FAM90A1: variants seen among roughly 807,000 people sequenced by gnomAD.
FAM90A1 encodes the protein protein FAM90A1.
In FAM90A1, 10 loss-of-function variants were observed where a neutral mutation model predicts 14.8. The observed-to-expected ratio is 0.67, with a 90% CI of 0.42 to 1.14. The LOEUF is 1.14. Ranked by LOEUF, FAM90A1 falls within the 50% of genes most tolerant of loss-of-function variation. The pLI, the probability that FAM90A1 is intolerant of heterozygous loss-of-function variation, is 0.00. For synonymous variants in FAM90A1, 236 were observed against 248.4 expected, an observed-to-expected ratio of 0.95 and a Z score of 0.47; for missense variants, 567 against 602.8, an observed-to-expected ratio of 0.94 and a Z score of 0.62.
chr12:8,222,776 G>C lies in FAM90A1; in HGVS notation c.441C>G (p.Ser147Arg), dbSNP rs1248442805. 6.3e-7 allele frequency: 1 copy of C among 1,596,698 alleles called. No individual in the cohort carries two copies. Among genetic ancestry groups the C allele is most frequent in the South Asian group, 1.1e-5 (1 of 90,694 alleles). ...TESSDYLRVA[S>R]GPMPVHTTSK... ...TGGTTGTGTGGACCGGCATTGGCCC[G>C]CTTGCAACCTGAAAGAGAGGAAACA... is the stretch of plus-strand genomic sequence containing the variant. Residue 147 changes from serine (S) to arginine (R), a missense_variant, in exon 7 of 7, where the codon AGC becomes AGG. Physicochemically the swap from Ser to Arg is moderately radical, Grantham distance 110. Transcript: ENST00000538603.
intron 6 of FAM90A1, 31 bp downstream of exon 6, chr12:8,223,418 A>G (rs1948875251): frequency 1.4e-6 from 2 of 1,417,666 alleles, no homozygotes; most frequent in African/African-American, 2.8e-5. Flanking sequence ...CCTAGAGGAG[A>G]AAAAGACCAG....
intron 3 of FAM90A1, among the ~76,000 whole-genome samples, chr12:8,225,390 T>C (rs1180063559): frequency 1.9e-4 from 29 of 152,108 alleles, no homozygotes; most frequent in East Asian, 3.9e-4. Context: ...AGAGAAGTTA[T>C]CTTCCTCTCT....
Position 8,222,161 on chromosome 12 carries a change from T to A in FAM90A1, c.1056A>T (p.Thr352=). The A allele has an allele frequency of 6.2e-7, 1 of 1,604,312 alleles. No homozygotes were observed. Among genetic ancestry groups the A allele is most frequent in the Non-Finnish European group, 8.5e-7 (1 of 1,175,186 alleles). Residue 352 remains threonine, a synonymous_variant, in exon 7 of 7, where the codon ACA becomes ACT. Transcript: ENST00000538603. ...PRTSPQTGTR[T]PAQVLSGDRQ... ...GGTCGCCGCTAAGCACCTGGGCGGG[T>A]GTCCTCGTGCCTGTCTGGGGTGACG...
At chr12:8,225,188 C>G (rs1335011455) in intron 3 of FAM90A1, among the ~76,000 whole-genome samples, 1 of 152,244 alleles carries the variant, frequency 6.6e-6, no homozygotes, top group Non-Finnish European at 1.5e-5. Context: ...TTAGGTCTAT[C>G]ACGATTCACT....
chr12:8,221,620 T>A lies in FAM90A1; in HGVS notation c.*202A>T. 6.2e-6 allele frequency: 4 copies of A among 647,562 alleles called. No individual in the cohort carries two copies. The highest frequency in any genetic ancestry group is 5.3e-6 in the Non-Finnish European group (2 of 379,514). 40.1% of individuals were successfully genotyped at this position (647,562 alleles called of 1,614,324 possible). On this transcript the variant is annotated 3_prime_UTR_variant, in exon 7 of 7. Coordinates refer to ENST00000538603, the MANE Select transcript of FAM90A1 (RefSeq NM_018088.3). ...TTCCAGAGAACCATGCGAACTACAA[T>A]GTCCCTCACCAGAATTCAACGTGGC... is the stretch of plus-strand genomic sequence containing the variant.
chr12:8,222,190 G>T lies in FAM90A1; in HGVS notation c.1027C>A (p.Arg343Ser), dbSNP rs9668475. The T allele has an allele frequency of 4.4e-3, 7,093 of 1,599,702 alleles. 264 individuals carry two copies. The African/African-American group carries it at 0.081, about 18-fold the overall frequency. Residue 343 changes from arginine to serine, a missense_variant, in exon 7 of 7, where the codon CGT becomes AGT. Transcript: ENST00000538603. ...PPPAATELGPRTSPQTGTRTP... is the reference protein window; with the variant it reads ...PPPAATELGPSTSPQTGTRTP... ...CTCGTGCCTGTCTGGGGTGACGTACGTGGTCCAAGTTCGGTTGCGGCTGGC... is the reference window on the plus strand; with the variant it reads ...CTCGTGCCTGTCTGGGGTGACGTACTTGGTCCAAGTTCGGTTGCGGCTGGC...
In FAM90A1 at chr12:8,222,515, C is replaced by G. The variant is rs142985337; in HGVS notation, c.702G>C (p.Ala234=). Reference sequence around the variant, plus strand: ...CCTGGGGAACTTCTCGACAGCCACCCGCAGGGCTGCTGTGTGTCGGCTTCA... The same window carrying G: ...CCTGGGGAACTTCTCGACAGCCACCGGCAGGGCTGCTGTGTGTCGGCTTCA... The part of the protein sequence containing the change: ...LVVKPTHSSP[A]GGCREVPQAA... The change falls in exon 7 of 7, where the codon GCG becomes GCC. Residue 234 remains alanine (A), a synonymous_variant. Transcript: ENST00000538603. 1.2e-6 allele frequency: 2 copies of G among 1,611,576 alleles called. No homozygotes were observed. Among genetic ancestry groups the G allele is most frequent in the Non-Finnish European group, 1.7e-6 (2 of 1,179,528 alleles).
At chr12:8,222,854 C>T in intron 6 of FAM90A1, 70 bp from the exon 7 acceptor site, 1 of 1,511,008 alleles carries the variant, frequency 6.6e-7, no homozygotes, top group East Asian at 2.4e-5. Context: ...CAACCACATC[C>T]AAAGACAAGG....
At chr12:8,224,408 C>A (rs750657428) in intron 4 of FAM90A1, among the ~76,000 whole-genome samples, 193 bp from the exon 5 acceptor site, 4 of 152,374 alleles carry the variant, frequency 2.6e-5, no homozygotes, top group Admixed American at 1.3e-4. Flanking sequence ...GACGGAGGAA[C>A]TCTAAAAGGC....
chr12:8,222,442 G>T lies in FAM90A1; in HGVS notation c.775C>A (p.Gln259Lys). 1 of 1,600,028 alleles carries T rather than the reference G, an allele frequency of 6.2e-7. No individual in the cohort carries two copies. Among genetic ancestry groups the T allele is most frequent in the Non-Finnish European group, 8.5e-7 (1 of 1,171,916 alleles). Residue 259 changes from glutamine (Q) to lysine (K), a missense_variant, in exon 7 of 7, where the codon CAA (glutamine) becomes AAA (lysine). Coordinates refer to ENST00000538603, the MANE Select transcript of FAM90A1 (RefSeq NM_018088.3). ...GAGGTCACCGCAGGACGTTTGTCTT[G>T]TGCCTGGGGGCTGACGGCCTGGAGC... Reference protein sequence around the residue: ...GLLQAVSPQAQDKRPAVTSQP... With the variant: ...GLLQAVSPQAKDKRPAVTSQP...
At chr12:8,224,953 G>A in intron 3 of FAM90A1, 65 bp from the exon 4 acceptor site, 13 of 1,274,680 alleles carry the variant, frequency 1.0e-5, no homozygotes, top group Non-Finnish European at 1.3e-5. Context: ...ACACCCACAG[G>A]AAGCCCCCCG....
At position 8,222,300 on chromosome 12, in the gene FAM90A1, T is replaced by C. The variant is rs1948846431; in HGVS notation, c.917A>G (p.Lys306Arg). 3.7e-6 allele frequency: 6 copies of C among 1,611,446 alleles called. No homozygotes were observed. Among genetic ancestry groups the C allele is most frequent in the Non-Finnish European group, 5.1e-6 (6 of 1,179,948 alleles). The change falls in exon 7 of 7, where the codon AAG becomes AGG. Residue 306 changes from lysine to arginine, a missense_variant. Coordinates refer to ENST00000538603, the MANE Select transcript of FAM90A1 (RefSeq NM_018088.3). ...CTGGAAGGGACCCAGTCTCGGTTTC[T>C]TGGGGAAGTTCAGGCAAGCCTGAAT... ...APIQACLNFP[K>R]KPRLGPFQIP...
chr12:8,223,807 C>T (rs1948882709), intron 5 of FAM90A1, among the ~76,000 whole-genome samples: 2 of 152,156 alleles, frequency 1.3e-5, no homozygotes, highest in African/African-American at 4.8e-5. Flanking sequence ...CTGCACGAAG[C>T]GCCCCCGCCC....
In FAM90A1 at chr12:8,221,773, C is replaced by G. The variant is rs778588868; in HGVS notation, c.*49G>C. 3 of 1,547,760 alleles carry G rather than the reference C, an allele frequency of 1.9e-6. No individual in the cohort carries two copies. In the South Asian group the frequency reaches 3.3e-5, roughly 17 times the overall value. ...CTGTGCTCCTCAGTCCCACAGTCCC[C>G]TCCAAGTCACGGGAGCTGGAGGCCA... On this transcript the variant is annotated 3_prime_UTR_variant, in exon 7 of 7. Transcript: ENST00000538603.
intron 4 of FAM90A1, 76 bp from the exon 5 acceptor site, chr12:8,224,291 G>C (rs1948893660): frequency 1.6e-6 from 2 of 1,255,608 alleles, no homozygotes; most frequent in African/African-American, 3.0e-5. Flanking sequence ...CATTGAGACG[G>C]ATTGTGAATT....
rs958674340 is a variant in FAM90A1 at position 8,221,601 on chromosome 12, A to G, written c.*221T>C. The G allele has an allele frequency of 3.3e-6, 2 of 614,158 alleles. No homozygotes were observed. The highest frequency in any genetic ancestry group is 3.7e-5 in the African/African-American group (2 of 53,722). The allele number at this position is 614,158 out of a possible 1,614,324, so 38.0% of individuals were successfully genotyped here. A position where few individuals can be genotyped will look rare whatever the true frequency, so the allele number is the denominator to read the frequency against. On this transcript the variant is annotated 3_prime_UTR_variant, in exon 7 of 7. Transcript: ENST00000538603. ...GAAGCTTTTCCTGGCGCGTTTCCAG[A>G]GAACCATGCGAACTACAATGTCCCT...
Position 8,222,592 on chromosome 12 carries a change from C to G in FAM90A1, c.625G>C (p.Asp209His). The G allele has an allele frequency of 6.2e-7, 1 of 1,611,994 alleles. No homozygotes were observed. The highest frequency in any genetic ancestry group is 8.5e-7 in the Non-Finnish European group (1 of 1,179,864). Residue 209 changes from aspartate to histidine, a missense_variant, in exon 7 of 7, where the codon GAC (aspartate) becomes CAC (histidine). By Grantham distance (81) the Asp-to-His change is moderately conservative. Coordinates refer to ENST00000538603, the MANE Select transcript of FAM90A1 (RefSeq NM_018088.3). ...TGCCTGACTGCAGTCTGAGGGATGT[C>G]GGCCGCAGCCCCTGTCTGTCTTTCC... ...PKERQTGAAA[D>H]IPQTAVRHQG...
At position 8,224,126 on chromosome 12, in the gene FAM90A1, C is replaced by T. The variant is rs376865646; in HGVS notation, c.213G>A (p.Pro71=). 19 of 1,612,058 alleles carry T rather than the reference C, an allele frequency of 1.2e-5. No homozygotes were observed. The highest frequency in any genetic ancestry group is 2.7e-5 in the African/African-American group (2 of 74,982). The change falls in exon 5 of 7, where the codon CCG becomes CCA. Residue 71 remains proline (P), a synonymous_variant. Transcript: ENST00000538603. ...CCTTCCCTTCCTTTTCCCCAAAGTT[C>T]GGTGGAACCAGGGCTGCCTTCCAGC... The part of the protein sequence containing the change: ...MKCWKAALVP[P]NFGEKEGKEN...
chr12:8,226,799 TGTC>T (rs1348866798), intron 1 of FAM90A1, among the ~76,000 whole-genome samples: 1 of 142,482 alleles, frequency 7.0e-6, no homozygotes, highest in Non-Finnish European at 1.5e-5. Flanking sequence ...TCTTCATTGA[TGTC>T]TTTTTTTTTT....
Sources: gnomAD v4.1 joint callset for allele counts (sites outside exome capture counted in the v4.1 genomes callset) on GRCh38, gnomAD v4.1.1 for gene constraint, MANE v1.5 for transcripts, NCBI Gene and HGNC (gene_info 2026-07-23, HGNC 2026-07-21) for gene names.